Variants in ATP8B4 observed in about 807,000 individuals in gnomAD.
ATP8B4 encodes the protein probable phospholipid-transporting ATPase IM.
Under a neutral mutation model 145.6 loss-of-function variants are expected in ATP8B4, and 133 were observed. The observed-to-expected ratio is 0.91, with a 90% CI of 0.79 to 1.05. The LOEUF is 1.05. Ranked by LOEUF, ATP8B4 falls within the 50% of genes least tolerant of loss-of-function variation. The pLI, the probability that ATP8B4 is intolerant of heterozygous loss-of-function variation, is 0.00. For synonymous variants in ATP8B4, 507 were observed against 492.9 expected, an observed-to-expected ratio of 1.03 and a Z score of -0.38; for missense variants, 1,458 against 1,425.2, an observed-to-expected ratio of 1.02 and a Z score of -0.37.
chr15:50,027,019 T>C (rs1436223446), intron 6 of ATP8B4, among the ~76,000 whole-genome samples: 1 of 152,152 alleles, frequency 6.6e-6, no homozygotes, highest in Non-Finnish European at 1.5e-5. Flanking sequence ...GGTTCTCCAA[T>C]GCTCTCCCCA....
chr15:49,946,204 T>C (rs1037799149), intron 14 of ATP8B4, among the ~76,000 whole-genome samples: 5 of 152,148 alleles, frequency 3.3e-5, no homozygotes, highest in Admixed American at 6.5e-5. Context: ...CATTTCTATA[T>C]AGTAACAACA....
Position 50,010,865 on chromosome 15 carries a change from CT to C in ATP8B4, c.414del (p.Glu139LysfsTer35). Reference sequence around the variant, plus strand: ...CTTACAGCAACAAATTGGTTATTTTCTAATTTAATGATGTCTCCCACTTTGA... The same window carrying C: ...CTTACAGCAACAAATTGGTTATTTTCAATTTAATGATGTCTCCCACTTTGA... ...MNVKVGDIIK[L>X]ENNQFVAADL... On this transcript the variant is annotated frameshift_variant, in exon 7 of 28. Coordinates refer to ENST00000284509, the MANE Select transcript of ATP8B4 (RefSeq NM_024837.4). LOFTEE classifies it high-confidence loss of function. 2.6e-6 allele frequency: 4 copies of C among 1,564,262 alleles called. No individual in the cohort carries two copies. The highest frequency in any genetic ancestry group is 3.5e-6 in the Non-Finnish European group (4 of 1,155,782).
At chr15:50,038,693 G>A in intron 6 of ATP8B4, 75 bp downstream of exon 6, 1 of 1,140,854 alleles carries the variant, frequency 8.8e-7, no homozygotes, top group Non-Finnish European at 1.3e-6. Context: ...AATTAAAAGA[G>A]AAAGCCACCA....
rs1175115493 is a variant in ATP8B4 at position 50,148,090 on chromosome 15, C to A, written c.-43+34171G>T. 2.0e-5 allele frequency among the ~76,000 whole-genome samples: 3 copies of A among 152,074 alleles called. No homozygotes were observed. In the East Asian group the frequency reaches 5.8e-4, roughly 29 times the overall value. ...AGGCAGCAGATGCCTCCTGGTCTGA[C>A]ACACTGAGAAGGACAGAACACCACT... On this transcript the variant is annotated intron_variant, in intron 1 of 3. Transcript: ENST00000558829.
chr15:50,114,136 A>G (rs1489592194), intron 1 of ATP8B4, among the ~76,000 whole-genome samples: 7 of 20,452 alleles, frequency 3.4e-4, no homozygotes, highest in Admixed American at 3.0e-3. Context: ...TTTAATTTTC[A>G]TAGACTATTG....
Position 49,920,318 on chromosome 15 carries a change from A to G in ATP8B4, c.1851T>C (p.Asp617=), listed in dbSNP as rs1344480477. ...CCCTCTCTTCTGTGGCAGCATTCGC[A>G]TCTTCAAGCATCTTATGCCACTCTT... is the stretch of plus-strand genomic sequence containing the variant. ...YFKEWHKMLE[D]ANAATEERDE... The change falls in exon 18 of 28, where the codon GAT becomes GAC. Residue 617 remains aspartate, a synonymous_variant. Coordinates refer to ENST00000284509, the MANE Select transcript of ATP8B4 (RefSeq NM_024837.4). 1.2e-6 allele frequency: 2 copies of G among 1,614,194 alleles called. No homozygotes were observed. The highest frequency in any genetic ancestry group is 2.2e-5 in the South Asian group (2 of 91,088).
chr15:50,178,682 T>C (rs1242373466), intron 1 of ATP8B4, among the ~76,000 whole-genome samples: 1 of 152,174 alleles, frequency 6.6e-6, no homozygotes, highest in Non-Finnish European at 1.5e-5. Flanking sequence ...ACTTTTTATG[T>C]GTTGGTGTAA....
At chr15:49,950,771 A>G (rs1054877357) in intron 14 of ATP8B4, among the ~76,000 whole-genome samples, 2 of 151,936 alleles carry the variant, frequency 1.3e-5, no homozygotes, top group African/African-American at 4.8e-5. Context: ...TTGCCTCTCT[A>G]GCTCTTTTAA....
chr15:50,064,545 T>C (rs1013936952), intron 3 of ATP8B4, among the ~76,000 whole-genome samples: 6 of 152,220 alleles, frequency 3.9e-5, no homozygotes, highest in East Asian at 1.9e-4. Flanking sequence ...CACAGATTTA[T>C]TGACAAATAT....
At chr15:49,942,660 T>C (rs1483805222) in intron 14 of ATP8B4, among the ~76,000 whole-genome samples, 1 of 151,020 alleles carries the variant, frequency 6.6e-6, no homozygotes, top group African/African-American at 2.4e-5. Context: ...CGGTCTCTAC[T>C]AAAAAATACA....
At chr15:49,925,680 A>G (rs1428250180) in intron 16 of ATP8B4, among the ~76,000 whole-genome samples, 1 of 152,176 alleles carries the variant, frequency 6.6e-6, no homozygotes, top group Non-Finnish European at 1.5e-5. Context: ...TTCTGATTCA[A>G]TAAATACTTT....
intron 2 of ATP8B4, among the ~76,000 whole-genome samples, chr15:50,085,902 C>G (rs1389044864): frequency 4.6e-5 from 3 of 65,206 alleles, no homozygotes; most frequent in African/African-American, 1.4e-4. Context: ...TGATATATAT[C>G]ATATATATTT....
chr15:50,115,035 G>C (rs181601992), intron 1 of ATP8B4, among the ~76,000 whole-genome samples: 1 of 152,154 alleles, frequency 6.6e-6, no homozygotes, highest in Non-Finnish European at 1.5e-5. Flanking sequence ...AAGACCATTC[G>C]AATCGTGAGT....
intron 1 of ATP8B4, among the ~76,000 whole-genome samples, chr15:50,165,530 C>T (rs1311854697): frequency 2.0e-5 from 3 of 151,950 alleles, no homozygotes; most frequent in Admixed American, 6.6e-5. Flanking sequence ...TGCTCTATCT[C>T]CTCCCCCTAA....
intron 20 of ATP8B4, chr15:49,901,748 TA>T (rs1025397847): frequency 1.2e-5 from 5 of 400,800 alleles, no homozygotes; most frequent in South Asian, 3.8e-5. Flanking sequence ...ACATATTTTT[TA>T]AAAAAAATTT....
At position 50,112,365 on chromosome 15, in the gene ATP8B4, G is replaced by A. The variant is rs558056520; in HGVS notation, c.-42-5357C>T. On this transcript the variant is annotated intron_variant, in intron 1 of 27. Coordinates refer to ENST00000284509, the MANE Select transcript of ATP8B4 (RefSeq NM_024837.4). ...GAGTAACTGAAGTGTCCCCACCAGGGTGGGGATCTTCTACTTCCTTTGGGT... is the reference window on the plus strand; with the variant it reads ...GAGTAACTGAAGTGTCCCCACCAGGATGGGGATCTTCTACTTCCTTTGGGT... Among the ~76,000 whole-genome samples, 5 of 152,144 alleles carry A rather than the reference G, an allele frequency of 3.3e-5. No homozygotes were observed. The South Asian group carries it at 8.3e-4, about 25-fold the overall frequency.
Position 50,004,799 on chromosome 15 carries a change from T to C in ATP8B4, c.436-2576A>G, listed in dbSNP as rs574285099. 2.6e-5 allele frequency among the ~76,000 whole-genome samples: 4 copies of C among 152,208 alleles called. No homozygotes were observed. In the East Asian group the frequency reaches 7.7e-4, roughly 29 times the overall value. ...TGGGCATACAGTATGAGGCATATACTGCAAGGGATACCAAAATGAGTAAAA... is the reference window on the plus strand; with the variant it reads ...TGGGCATACAGTATGAGGCATATACCGCAAGGGATACCAAAATGAGTAAAA... On this transcript the variant is annotated intron_variant, in intron 7 of 27. Coordinates refer to ENST00000284509, the MANE Select transcript of ATP8B4 (RefSeq NM_024837.4).
chr15:50,080,760 A>G (rs2054492310), intron 2 of ATP8B4, among the ~76,000 whole-genome samples: 2 of 152,052 alleles, frequency 1.3e-5, no homozygotes, highest in African/African-American at 4.8e-5. Flanking sequence ...AAGTTCAATT[A>G]AGGTGTTGTT....
chr15:50,108,210 T>TC (rs1487957143), intron 1 of ATP8B4, among the ~76,000 whole-genome samples: 1 of 151,586 alleles, frequency 6.6e-6, no homozygotes, highest in African/African-American at 2.4e-5. Flanking sequence ...GCCTCTCTAC[T>TC]CCCCCACCCC....
Sources: gnomAD v4.1 joint callset for allele counts (sites outside exome capture counted in the v4.1 genomes callset) on GRCh38, gnomAD v4.1.1 for gene constraint, MANE v1.5 for transcripts, NCBI Gene and HGNC (gene_info 2026-07-23, HGNC 2026-07-21) for gene names.